Variants in ART3 observed in about 807,000 individuals in gnomAD.
ART3 encodes ecto-ADP-ribosyltransferase 3.
ART3 carries 49 observed loss-of-function variants against 48.5 expected under a neutral mutation model. The ratio of observed to expected loss-of-function variants is 1.01; its 90% CI spans 0.80 to 1.28. The LOEUF (loss-of-function observed/expected upper bound fraction) is 1.28. ART3 is among the 50% of genes most tolerant of loss of function. The pLI is 0.00. For missense variants in ART3, 438 were observed against 454.3 expected (o/e 0.96, Z 0.33); for synonymous variants, 145 against 157.2 (o/e 0.92, Z 0.58).
At chr4:76,099,709 A>G (rs536187324) in intron 5 of ART3, 1 of 153,356 alleles carries the variant, frequency 6.5e-6, no homozygotes, top group South Asian at 2.1e-4. Context: ...TAACTAAAAT[A>G]TGTAGGTGAT....
upstream of ART3, among the ~76,000 whole-genome samples, chr4:76,070,658 G>A (rs142794569): frequency 2.0e-5 from 3 of 152,164 alleles, no homozygotes; most frequent in East Asian, 5.8e-4. Flanking sequence ...AATTCAGGTA[G>A]CCCCTTAATG....
chr4:76,042,000 TG>T (rs1485995813), intron 1 of ART3, among the ~76,000 whole-genome samples: 2 of 152,210 alleles, frequency 1.3e-5, no homozygotes, highest in African/African-American at 2.4e-5. Flanking sequence ...TTTCCAGAAT[TG>T]GACTACTTTA....
intron 3 of ART3, among the ~76,000 whole-genome samples, chr4:76,083,545 G>T (rs1338333885): frequency 6.6e-6 from 1 of 152,128 alleles, no homozygotes. Context: ...TCCATGTCAT[G>T]TCACTCATGC....
intron 1 of ART3, among the ~76,000 whole-genome samples, chr4:76,046,984 GGT>G (rs967480093): frequency 1.3e-5 from 2 of 152,000 alleles, no homozygotes; most frequent in African/African-American, 4.8e-5. Context: ...GCTCAGTGAG[GGT>G]GATGACATGA....
intron 1 of ART3, among the ~76,000 whole-genome samples, chr4:76,026,371 A>G (rs770145668): frequency 1.8e-4 from 27 of 152,184 alleles, no homozygotes; most frequent in Non-Finnish European, 3.5e-4. Flanking sequence ...ACTAAAATGC[A>G]TATGAGAGGC....
At position 76,079,176 on chromosome 4, in the gene ART3, TA is replaced by T. The variant is rs35036561; in HGVS notation, c.70-2630del. 1.4e-3 allele frequency among the ~76,000 whole-genome samples: 188 copies of T among 130,834 alleles called. 1 individual carries two copies. Among genetic ancestry groups the T allele is most frequent in the South Asian group, 0.012 (48 of 4,060 alleles). The allele number at this position is 130,834 out of a possible 152,430, so 85.8% of individuals were successfully genotyped here. A position where few individuals can be genotyped will look rare whatever the true frequency, so the allele number is the denominator to read the frequency against. ...AATCTCTTAGTTTCCTCATCTTTGT[TA>T]AAAAAAAAAAAAAAAAAGGCGGGGG... On this transcript the variant is annotated intron_variant, in intron 2 of 11. Transcript: ENST00000355810.
In ART3 at chr4:76,037,745, T is replaced by C. The variant is rs77091961; in HGVS notation, c.-10+26425T>C. ...TCTAATTATTTACATCAACCATCAA[T>C]AATATTTTTTTAGCTCCTGTCTTTG... is the stretch of plus-strand genomic sequence containing the variant. On this transcript the variant is annotated intron_variant, in intron 1 of 9. Coordinates refer to the ART3 transcript ENST00000341029. Among the ~76,000 whole-genome samples the C allele has an allele frequency of 4.7e-3, 722 of 152,302 alleles. 21 individuals are homozygous for C. The East Asian group carries it at 0.084, about 18-fold the overall frequency.
At chr4:76,034,094 C>T (rs573916617) in intron 1 of ART3, 7 of 193,734 alleles carry the variant, frequency 3.6e-5, no homozygotes, top group South Asian at 1.9e-4. Context: ...TATCCCATAG[C>T]GTATAATTTT....
intron 1 of ART3, chr4:76,035,477 A>T (rs4859597): frequency 0.55 from 429,400 of 774,730 alleles, 125,338 homozygotes; most frequent in East Asian, 0.93. Context: ...ACTTAACACA[A>T]CTGTTACTGG....
chr4:76,045,827 G>A lies in ART3; in HGVS notation c.-9-30054G>A. On this transcript the variant is annotated intron_variant, in intron 1 of 9. Coordinates refer to the ART3 transcript ENST00000341029. ...GGAGATCCATAGTCAGCAAAAGCCA[G>A]TAATTCCAAGGAATCCCCGCAACTG... Among the ~76,000 whole-genome samples the A allele has an allele frequency of 1.3e-5, 2 of 152,068 alleles. 1 individual carries two copies. Among genetic ancestry groups the A allele is most frequent in the Non-Finnish European group, 2.9e-5 (2 of 67,982 alleles).
intron 1 of ART3, among the ~76,000 whole-genome samples, chr4:76,015,552 G>A (rs1732179838): frequency 6.6e-6 from 1 of 152,184 alleles, no homozygotes; most frequent in Admixed American, 6.6e-5. Context: ...GAAAGGCAAA[G>A]TAAAACCTTC....
chr4:76,034,095 G>A (rs9994667), intron 1 of ART3: 41,446 of 195,240 alleles, frequency 0.21, 5,220 homozygotes, highest in East Asian at 0.39. Context: ...ATCCCATAGC[G>A]TATAATTTTT....
At chr4:76,022,533 T>C in intron 1 of ART3, 4 of 1,505,606 alleles carry the variant, frequency 2.7e-6, no homozygotes, top group Non-Finnish European at 2.7e-6. Context: ...AGTTCTGAAG[T>C]CAGACATTTA....
At chr4:76,098,349 A>G (rs1334657688) in intron 4 of ART3, among the ~76,000 whole-genome samples, 1 of 152,208 alleles carries the variant, frequency 6.6e-6, no homozygotes, top group East Asian at 1.9e-4. Flanking sequence ...GGATTAAGAC[A>G]TGCTCTGGGT....
In ART3 at chr4:76,100,276, T is replaced by G; in HGVS notation, c.848-15T>G. ...TCCATTGTTAAAACTGATGAACTTC[T>G]TTTCTGTGACTCAGGTGAGAAAAAC... is the stretch of plus-strand genomic sequence containing the variant. On this transcript the variant is annotated splice_polypyrimidine_tract_variant and intron_variant, in intron 5 of 11. Transcript: ENST00000355810. 1 of 1,611,532 alleles carries G rather than the reference T, an allele frequency of 6.2e-7. No homozygotes were observed. Among genetic ancestry groups the G allele is most frequent in the South Asian group, 1.1e-5 (1 of 91,022 alleles).
intron 1 of ART3, among the ~76,000 whole-genome samples, chr4:76,030,944 A>G (rs1733820340): frequency 6.6e-6 from 1 of 152,034 alleles, no homozygotes; most frequent in Admixed American, 6.6e-5. Context: ...TTTGTGTACC[A>G]GTTTTTGTTT....
intron 1 of ART3, among the ~76,000 whole-genome samples, chr4:76,068,906 CT>C (rs1408026799): frequency 1.3e-5 from 2 of 152,154 alleles, no homozygotes; most frequent in Non-Finnish European, 2.9e-5. Context: ...CATTGAACTC[CT>C]AGGCTCAAGT....
chr4:76,110,140 T>G (rs1015269094), intron 11 of ART3, among the ~76,000 whole-genome samples: 1 of 152,170 alleles, frequency 6.6e-6, no homozygotes. Flanking sequence ...CAGAGATTAG[T>G]GTTTAAAAAA....
At chr4:76,050,727 C>T (rs1735985149) in intron 1 of ART3, among the ~76,000 whole-genome samples, 1 of 152,210 alleles carries the variant, frequency 6.6e-6, no homozygotes, top group Admixed American at 6.5e-5. Flanking sequence ...GTCGCGGAGG[C>T]TCGGGCCACA....
Sources: allele counts gnomAD v4.1 joint callset (sites outside exome capture counted in the v4.1 genomes callset), GRCh38; gene constraint gnomAD v4.1.1; transcripts MANE v1.5; gene names NCBI Gene and HGNC (gene_info 2026-07-23, HGNC 2026-07-21).